MON2: variants seen among roughly 807,000 people sequenced by gnomAD.
MON2 encodes MON2 regulator of endosome-to-Golgi trafficking, also known as protein MON2 homolog.
Under a neutral mutation model 208.6 loss-of-function variants are expected in MON2, and 84 were observed. The observed-to-expected ratio is 0.40, with a 90% CI of 0.34 to 0.48. MON2 has a LOEUF of 0.48. MON2 is among the 20% of genes least tolerant of loss of function. The pLI, the probability that MON2 is intolerant of heterozygous loss-of-function variation, is 0.59. For synonymous variants in MON2, 660 were observed against 694.0 expected, an observed-to-expected ratio of 0.95 and a Z score of 0.77; for missense variants, 1,611 against 2,015.4, an observed-to-expected ratio of 0.80 and a Z score of 3.84.
At chr12:62,525,047 A>C in intron 9 of MON2, 37 bp from the exon 10 acceptor site, 1 of 1,552,254 alleles carries the variant, frequency 6.4e-7, no homozygotes. Context: ...AATATATTCA[A>C]ATGTTTTTCC....
At position 62,543,202 on chromosome 12, in the gene MON2, A is replaced by G. The variant is rs775704474; in HGVS notation, c.2466+4A>G. ...TCTGACTGGCCATCTACTTGAGGTA[A>G]ATTCTCTTTCTTAAATATATTTAAT... On this transcript the variant is annotated splice_donor_region_variant and intron_variant, in intron 20 of 34. Coordinates refer to ENST00000393630, the MANE Select transcript of MON2 (RefSeq NM_015026.3). The G allele has an allele frequency of 4.8e-6, 7 of 1,450,614 alleles. No homozygotes were observed. The highest frequency in any genetic ancestry group is 6.5e-6 in the Non-Finnish European group (7 of 1,074,844). 89.9% of individuals were successfully genotyped at this position (1,450,614 alleles called of 1,614,324 possible). A position where few individuals can be genotyped will look rare whatever the true frequency, so the allele number is the denominator to read the frequency against.
intron 34 of MON2, among the ~76,000 whole-genome samples, chr12:62,590,020 A>G (rs2075346280): frequency 6.6e-6 from 1 of 152,184 alleles, no homozygotes; most frequent in Non-Finnish European, 1.5e-5. Flanking sequence ...GAATGACTTC[A>G]TTATTTGTTT....
Position 62,525,229 on chromosome 12 carries a change from A to C in MON2, c.1246+9A>C. ...AACAAGCAACCAAGCTGGTAAAAAC[A>C]TATTCATAATTTTGTTTCTTATATT... On this transcript the variant is annotated intron_variant, in intron 10 of 34. Coordinates refer to ENST00000393630, the MANE Select transcript of MON2 (RefSeq NM_015026.3). The C allele has an allele frequency of 6.2e-7, 1 of 1,612,446 alleles. No individual in the cohort carries two copies. Among genetic ancestry groups the C allele is most frequent in the Non-Finnish European group, 8.5e-7 (1 of 1,178,818 alleles).
chr12:62,501,728 G>A (rs986417115), intron 7 of MON2, 30 bp downstream of exon 7: 4 of 1,610,456 alleles, frequency 2.5e-6, no homozygotes, highest in Non-Finnish European at 2.5e-6. Context: ...TTGTGACAAA[G>A]TTAATCTGAA....
At chr12:62,590,352 G>A (rs116749136) in intron 34 of MON2, among the ~76,000 whole-genome samples, 2,785 of 152,118 alleles carry the variant, frequency 0.018, 89 homozygotes, top group African/African-American at 0.063. Flanking sequence ...CTTGGCCTCC[G>A]AAAGTGCTGG....
intron 11 of MON2, among the ~76,000 whole-genome samples, chr12:62,527,410 A>G (rs947219447): frequency 1.7e-4 from 26 of 152,240 alleles, no homozygotes; most frequent in Non-Finnish European, 1.5e-5. Flanking sequence ...GAAGACTGAA[A>G]TATTTTAAGT....
At chr12:62,544,782 C>T (rs2073409052) in intron 20 of MON2, 116 bp from the exon 21 acceptor site, 1 of 1,539,880 alleles carries the variant, frequency 6.5e-7, no homozygotes, top group African/African-American at 1.4e-5. Context: ...AGCTAACTTA[C>T]ATTTTGGGTG....
At chr12:62,480,304 A>ATC (rs2135984595) in intron 1 of MON2, among the ~76,000 whole-genome samples, 1 of 152,274 alleles carries the variant, frequency 6.6e-6, no homozygotes, top group East Asian at 1.9e-4. Context: ...CACCCCTATA[A>ATC]TCTCAGCACT....
intron 7 of MON2, among the ~76,000 whole-genome samples, chr12:62,506,277 A>G (rs1013134351): frequency 2.0e-5 from 3 of 152,252 alleles, no homozygotes; most frequent in African/African-American, 7.2e-5. Flanking sequence ...TTTGGAGGAA[A>G]GAATGAAAAA....
chr12:62,548,270 G>A (rs895382685), intron 22 of MON2, among the ~76,000 whole-genome samples: 3 of 152,144 alleles, frequency 2.0e-5, no homozygotes, highest in Non-Finnish European at 4.4e-5. Context: ...TGACTGTAGC[G>A]AGGCATAGGG....
At chr12:62,572,678 GGGCTC>G in intron 30 of MON2, among the ~76,000 whole-genome samples, 1 of 152,198 alleles carries the variant, frequency 6.6e-6, no homozygotes, top group Admixed American at 6.5e-5. Flanking sequence ...ACTAACTTCT[GGGCTC>G]AAGTGATCCT....
At chr12:62,489,711 A>T (rs1162481040) in intron 2 of MON2, among the ~76,000 whole-genome samples, 1 of 152,084 alleles carries the variant, frequency 6.6e-6, no homozygotes, top group African/African-American at 2.4e-5. Flanking sequence ...ATCATTTGTT[A>T]AATAGCCCCT....
intron 1 of MON2, among the ~76,000 whole-genome samples, chr12:62,472,686 A>T (rs2068853774): frequency 6.6e-6 from 1 of 152,224 alleles, no homozygotes; most frequent in African/African-American, 2.4e-5. Context: ...AGGGACTGTG[A>T]CTAATGTCAT....
chr12:62,577,972 T>C (rs1179196013), intron 30 of MON2, among the ~76,000 whole-genome samples: 1 of 152,152 alleles, frequency 6.6e-6, no homozygotes, highest in East Asian at 1.9e-4. Context: ...TCTTTACAGA[T>C]TTTCCCTCTT....
Position 62,556,074 on chromosome 12 carries a change from T to A in MON2, c.3291T>A (p.Asn1097Lys), listed in dbSNP as rs141496035. Residue 1097 changes from asparagine to lysine, a missense_variant, in exon 25 of 35, where the codon AAT becomes AAA. Transcript: ENST00000393630. ...AAAAGATTGAGTCTGGAGGTGGCAATATTCTCATTCATCATTCAAGGGACA... is the reference window on the plus strand; with the variant it reads ...AAAAGATTGAGTCTGGAGGTGGCAAAATTCTCATTCATCATTCAAGGGACA... ...DKEKIESGGG[N>K]ILIHHSRDTA... The A allele has an allele frequency of 6.2e-7, 1 of 1,613,940 alleles. No homozygotes were observed. The highest frequency in any genetic ancestry group is 2.2e-5 in the East Asian group (1 of 44,860).
Position 62,553,978 on chromosome 12 carries a change from G to A in MON2, c.3210+804G>A, listed in dbSNP as rs2073859787. Among the ~76,000 whole-genome samples, 2 of 152,156 alleles carry A rather than the reference G, an allele frequency of 1.3e-5. 1 individual carries two copies. Among genetic ancestry groups the A allele is most frequent in the South Asian group, 4.1e-4 (2 of 4,822 alleles). ...GCAGCAGGATCACCTGAGGTCAGGG[G>A]TTCAAGACCAACCTGGCCAATATGG... On this transcript the variant is annotated intron_variant, in intron 24 of 34. Transcript: ENST00000393630.
rs1387774022 is a variant in MON2, at chr12:62,484,244, G to C, written c.175+11G>C. On this transcript the variant is annotated intron_variant, in intron 2 of 34. Coordinates refer to ENST00000393630, the MANE Select transcript of MON2 (RefSeq NM_015026.3). The stretch of plus-strand genomic sequence containing the variant: ...CTGAAATTTTGGCAGGTAATTTTTT[G>C]TATTAAAAATTTAATAATAAACAAA... The C allele has an allele frequency of 6.4e-7, 1 of 1,567,046 alleles. No homozygotes were observed. Among genetic ancestry groups the C allele is most frequent in the Admixed American group, 1.8e-5 (1 of 56,222 alleles).
rs372685910 is a variant in MON2 at position 62,537,159 on chromosome 12, G to A, written c.1909G>A (p.Val637Ile). The A allele has an allele frequency of 1.1e-4, 180 of 1,604,152 alleles. No homozygotes were observed. Among genetic ancestry groups the A allele is most frequent in the Non-Finnish European group, 1.5e-4 (171 of 1,173,530 alleles). ...TTTCCTTTGTGTTCTAGCATATTCC[G>A]TTCAGGGCCAAAGTGTTATGATGAT... ...AATLSNKSYS[V>I]QGQSVMMISP... The change falls in exon 15 of 35, where the codon GTT becomes ATT. Residue 637 changes from valine to isoleucine, a missense_variant. Physicochemically the swap from Val to Ile is conservative, Grantham distance 29. Transcript: ENST00000393630.
At chr12:62,582,340 CAT>C (rs1234831368) in intron 32 of MON2, among the ~76,000 whole-genome samples, 3 of 152,168 alleles carry the variant, frequency 2.0e-5, no homozygotes, top group Non-Finnish European at 4.4e-5. Flanking sequence ...CCATATGACA[CAT>C]GTCTTCTCAG....
Sources: allele counts gnomAD v4.1 joint callset (sites outside exome capture counted in the v4.1 genomes callset), GRCh38; gene constraint gnomAD v4.1.1; transcripts MANE v1.5; gene names NCBI Gene and HGNC (gene_info 2026-07-23, HGNC 2026-07-21).